The following TCEA2 variants were observed in gnomAD, a reference collection of about 807,000 sequenced individuals.
The protein encoded by TCEA2 is transcription elongation factor A protein 2.
Under a neutral mutation model 40.8 loss-of-function variants are expected in TCEA2, and 21 were observed. That is an observed-to-expected ratio of 0.51 (90% CI 0.36 to 0.74). TCEA2 has a LOEUF of 0.74. Among genes scored for constraint, TCEA2 ranks in the 30% least tolerant of loss-of-function variants. The pLI is 0.00. For missense variants in TCEA2, 326 were observed against 426.5 expected, an observed-to-expected ratio of 0.76 and a Z score of 2.08; for synonymous variants, 165 against 162.7, an observed-to-expected ratio of 1.01 and a Z score of -0.11.
At chr20:64,065,862 C>T (rs577460818) in intron 1 of TCEA2, 1 of 110,114 alleles carries the variant, frequency 9.1e-6, no homozygotes, top group East Asian at 2.4e-4. Context: ...GTGGCCGTGC[C>T]TGGAGTGGAG....
rs564047778 is a variant in TCEA2, at chr20:64,063,249, G to A, written c.-64G>A. On this transcript the variant is annotated 5_prime_UTR_variant, in exon 1 of 10. Coordinates refer to ENST00000343484, the MANE Select transcript of TCEA2 (RefSeq NM_003195.6). ...GGTGTGGGAGGTGGCGACGGCCGGG[G>A]CCGGGGTCCTGCCCGGCTGCGGAGG... The A allele has an allele frequency of 8.4e-4, 1,204 of 1,432,604 alleles. 17 individuals are homozygous for A. The South Asian group carries it at 0.016, about 19-fold the overall frequency. 88.7% of individuals were successfully genotyped at this position (1,432,604 alleles called of 1,614,324 possible). A position where few individuals can be genotyped will look rare whatever the true frequency, so the allele number is the denominator to read the frequency against.
In TCEA2 at chr20:64,070,578, G is replaced by A. The variant is rs772631450; in HGVS notation, c.762G>A (p.Thr254=). ...REHQMARTGG[T]QTDLFTCGKC... The stretch of plus-strand genomic sequence containing the variant: ...ACCAGATGGCCCGCACTGGCGGCAC[G>A]CAGACAGACCTGTTCACCTGCGGCA... The change falls in exon 8 of 10, where the codon ACG becomes ACA. Residue 254 remains threonine (T), a synonymous_variant. Coordinates refer to ENST00000343484, the MANE Select transcript of TCEA2 (RefSeq NM_003195.6). 2.5e-5 allele frequency: 41 copies of A among 1,613,428 alleles called. No individual in the cohort carries two copies. Among genetic ancestry groups the A allele is most frequent in the South Asian group, 4.4e-5 (4 of 91,060 alleles).
upstream of TCEA2, among the ~76,000 whole-genome samples, chr20:64,056,487 C>T (rs544376020): frequency 4.5e-4 from 68 of 152,132 alleles, no homozygotes; most frequent in African/African-American, 1.5e-3. Context: ...AGAGACGGCT[C>T]CTAGGTGCTT....
At chr20:64,066,374 C>A in intron 1 of TCEA2, 102 bp from the exon 2 acceptor site, 2 of 1,443,930 alleles carry the variant, frequency 1.4e-6, no homozygotes, top group South Asian at 2.4e-5. Flanking sequence ...GGTTGAATCT[C>A]CAAATTGTCA....
intron 1 of TCEA2, chr20:64,066,190 C>T (rs974714373): frequency 8.8e-6 from 3 of 342,034 alleles, no homozygotes; most frequent in African/African-American, 4.2e-5. Context: ...GTGGTTACAA[C>T]GAAGTCAGTG....
upstream of TCEA2, chr20:64,063,097 CGCGGGCGCGGCGGGCGCGGCAG>C (rs1555927602): frequency 1.0e-5 from 3 of 288,566 alleles, no homozygotes; most frequent in South Asian, 1.5e-4. Flanking sequence ...TGGTCCAGAG[CGCGGGCGCGGCGGGCGCGGCAG>C]GCGGGCGCGT....
In TCEA2 at chr20:64,070,036, C is replaced by T. The variant is rs780809869; in HGVS notation, c.517+215C>T. On this transcript the variant is annotated intron_variant, in intron 6 of 9. Coordinates refer to ENST00000343484, the MANE Select transcript of TCEA2 (RefSeq NM_003195.6). ...TTCTGTCTGCTTGTGGGGCCTAGGTCCCCTGGGGCTGTAGCCTGAAGCTGG... is the reference window on the plus strand; with the variant it reads ...TTCTGTCTGCTTGTGGGGCCTAGGTTCCCTGGGGCTGTAGCCTGAAGCTGG... The T allele has an allele frequency of 3.4e-6, 3 of 875,036 alleles. No homozygotes were observed. The South Asian group carries it at 4.3e-5, about 12-fold the overall frequency. 54.2% of individuals were successfully genotyped at this position (875,036 alleles called of 1,614,324 possible).
chr20:64,058,733 A>G (rs934852493), upstream of TCEA2, among the ~76,000 whole-genome samples: 1 of 152,206 alleles, frequency 6.6e-6, no homozygotes, highest in Non-Finnish European at 1.5e-5. The surrounding 1 kb of genome is among the most constrained non-coding windows in gnomAD (Gnocchi z 6.7). Flanking sequence ...GCTGAACAAG[A>G]TGTGACTCAC....
rs759280400 is a variant in TCEA2, at chr20:64,063,381, C to T, written c.69C>T (p.Ser23=). 7.8e-6 allele frequency: 12 copies of T among 1,546,708 alleles called. No individual in the cohort carries two copies. Among genetic ancestry groups the T allele is most frequent in the East Asian group, 2.4e-5 (1 of 40,942 alleles). Residue 23 remains serine (S), a synonymous_variant, in exon 1 of 10, where the codon AGC becomes AGT. Coordinates refer to ENST00000343484, the MANE Select transcript of TCEA2 (RefSeq NM_003195.6). ...RRLDKMVTKK[S]AEGAMDLLRE... The stretch of plus-strand genomic sequence containing the variant: ...TGGACAAGATGGTGACCAAGAAGAG[C>T]GCGGTGAGGGGCGCGGGCCGCCAGG...
At chr20:64,063,475 C>T in intron 1 of TCEA2, 91 bp downstream of exon 1, 3 of 1,409,778 alleles carry the variant, frequency 2.1e-6, no homozygotes, top group Non-Finnish European at 2.9e-6. Context: ...GGAAGACGAC[C>T]TGAGGGGCAG....
upstream of TCEA2, among the ~76,000 whole-genome samples, chr20:64,060,837 T>A (rs1343735134): frequency 1.3e-5 from 2 of 152,130 alleles, no homozygotes; most frequent in Non-Finnish European, 2.9e-5. Flanking sequence ...GTTGCCAGGC[T>A]GGAGTGCAGT....
upstream of TCEA2, among the ~76,000 whole-genome samples, chr20:64,061,877 C>T (rs755618504): frequency 2.0e-5 from 3 of 151,806 alleles, no homozygotes; most frequent in East Asian, 3.9e-4. Context: ...TACAGGTGCC[C>T]GGCACCACAC....
intron 1 of TCEA2, 41 bp downstream of exon 1, chr20:64,063,425 C>CA (rs1569245430): frequency 1.3e-6 from 2 of 1,537,792 alleles, no homozygotes; most frequent in Admixed American, 2.0e-5. Flanking sequence ...AACCCCGCCC[C>CA]GCCGAGACCC....
upstream of TCEA2, among the ~76,000 whole-genome samples, chr20:64,058,931 C>T (rs2059511200): frequency 6.6e-6 from 1 of 152,104 alleles, no homozygotes; most frequent in African/African-American, 2.4e-5. The surrounding 1 kb of genome is among the most constrained non-coding windows in gnomAD (Gnocchi z 6.7). Flanking sequence ...TGGCTCACAC[C>T]TGTAATCCCA....
chr20:64,063,466 G>A, intron 1 of TCEA2, 82 bp downstream of exon 1: 2 of 1,449,168 alleles, frequency 1.4e-6, no homozygotes, highest in Non-Finnish European at 9.3e-7. Context: ...GTTAGGGCCG[G>A]AAGACGACCT....
chr20:64,069,741 G>C (rs1334009558), intron 5 of TCEA2, 24 bp from the exon 6 acceptor site: 1 of 1,601,344 alleles, frequency 6.2e-7, no homozygotes, highest in Non-Finnish European at 8.5e-7. Context: ...AGTGGGGGAA[G>C]CTAGTCAGGG....
chr20:64,070,178 C>A (rs1329284075), intron 6 of TCEA2, 82 bp from the exon 7 acceptor site: 2 of 1,576,654 alleles, frequency 1.3e-6, no homozygotes, highest in Admixed American at 1.7e-5. Context: ...CCAGCCCCCA[C>A]CCCAACATGG....
intron 1 of TCEA2, among the ~76,000 whole-genome samples, chr20:64,065,050 G>C (rs183994013): frequency 6.6e-6 from 1 of 152,070 alleles, no homozygotes; most frequent in Admixed American, 6.5e-5. Flanking sequence ...GGAGGCGGGC[G>C]CTGTGCAGTG....
intron 3 of TCEA2, among the ~76,000 whole-genome samples, chr20:64,067,805 G>C (rs1355914029): frequency 6.6e-6 from 1 of 152,232 alleles, no homozygotes; most frequent in Non-Finnish European, 1.5e-5. Context: ...TACGGGAAAG[G>C]GTTCTGGGGA....
Sources: allele counts gnomAD v4.1 joint callset (sites outside exome capture counted in the v4.1 genomes callset), GRCh38; gene constraint gnomAD v4.1.1; non-coding constraint Gnocchi (gnomAD v3.1); transcripts MANE v1.5; gene names NCBI Gene and HGNC (gene_info 2026-07-23, HGNC 2026-07-21).